ITGB3BP: variants seen among roughly 807,000 people sequenced by gnomAD.
ITGB3BP encodes integrin subunit beta 3 binding protein, also known as centromere protein R.
Under a neutral mutation model 29.1 loss-of-function variants are expected in ITGB3BP, and 27 were observed. The observed-to-expected ratio is 0.93, with a 90% confidence interval of 0.68 to 1.28. The LOEUF (loss-of-function observed/expected upper bound fraction) is 1.28. Among genes scored for constraint, ITGB3BP ranks in the 50% most tolerant of loss-of-function variants. ITGB3BP has a pLI of 0.00. For missense variants in ITGB3BP, 192 were observed against 200.2 expected (o/e 0.96, Z 0.25); for synonymous variants, 61 against 61.4 (o/e 0.99, Z 0.03).
chr1:63,485,333 C>T (rs192746120), intron 3 of ITGB3BP, among the ~76,000 whole-genome samples: 3 of 152,106 alleles, frequency 2.0e-5, no homozygotes, highest in African/African-American at 7.2e-5. Context: ...CCTGAAAATA[C>T]GAGGACCTTA....
intron 1 of ITGB3BP, among the ~76,000 whole-genome samples, chr1:63,514,818 C>T (rs1164931079): frequency 6.6e-6 from 1 of 151,814 alleles, no homozygotes; most frequent in Non-Finnish European, 1.5e-5. Flanking sequence ...TGGTGGTGCA[C>T]ACCTGTAGTC....
intron 4 of ITGB3BP, among the ~76,000 whole-genome samples, chr1:63,472,456 TC>T (rs1340324605): frequency 1.0e-4 from 11 of 110,090 alleles, no homozygotes; most frequent in Admixed American, 1.9e-4. Context: ...CTCTCCCCTC[TC>T]CCCTCTCCCC....
At chr1:63,474,931 CA>C (rs1330341184) in intron 4 of ITGB3BP, among the ~76,000 whole-genome samples, 5 of 147,420 alleles carry the variant, frequency 3.4e-5, no homozygotes, top group African/African-American at 1.2e-4. Flanking sequence ...CAAAACAAAA[CA>C]AAAACAAAAA....
At chr1:63,517,637 T>C (rs1229051206) in intron 1 of ITGB3BP, among the ~76,000 whole-genome samples, 1 of 152,310 alleles carries the variant, frequency 6.6e-6, no homozygotes, top group African/African-American at 2.4e-5. Context: ...CTTGCTAAAT[T>C]GTTCTGAAAA....
At chr1:63,494,131 C>G (rs1645729219) in intron 2 of ITGB3BP, among the ~76,000 whole-genome samples, 1 of 152,104 alleles carries the variant, frequency 6.6e-6, no homozygotes, top group South Asian at 2.1e-4. Flanking sequence ...GTACTAGATA[C>G]CAACCAACAA....
Position 63,522,738 on chromosome 1 carries a change from A to C in ITGB3BP, c.5+391T>G, listed in dbSNP as rs141509782. ...GGTATCTAGACCCACTCAGTCCATG[A>C]GTTCTCCCACGGGTTTACACGAACG... On this transcript the variant is annotated intron_variant, in intron 1 of 8. Coordinates refer to ENST00000271002, the MANE Select transcript of ITGB3BP (RefSeq NM_014288.5). Among the ~76,000 whole-genome samples the C allele has an allele frequency of 4.6e-5, 7 of 152,286 alleles. No individual in the cohort carries two copies. In the East Asian group the frequency reaches 1.4e-3, roughly 29 times the overall value.
intron 2 of ITGB3BP, among the ~76,000 whole-genome samples, chr1:63,505,118 T>C (rs1646043039): frequency 6.6e-6 from 1 of 152,110 alleles, no homozygotes; most frequent in Non-Finnish European, 1.5e-5. Context: ...CTGGTAGAAT[T>C]CGGCTGTGAA....
At chr1:63,455,241 T>TATTCATA in intron 4 of ITGB3BP, among the ~76,000 whole-genome samples, 1 of 152,192 alleles carries the variant, frequency 6.6e-6, no homozygotes, top group African/African-American at 2.4e-5. Context: ...TACCTTGATC[T>TATTCATA]GAGTCTATGA....
chr1:63,479,172 T>C (rs1027818740), intron 3 of ITGB3BP, among the ~76,000 whole-genome samples: 1 of 152,174 alleles, frequency 6.6e-6, no homozygotes, highest in African/African-American at 2.4e-5. Flanking sequence ...ATCAATGATA[T>C]CATATAAAGG....
Position 63,453,957 on chromosome 1 carries a change from GTTTA to G in ITGB3BP, c.441_444del (p.Gln149AsnfsTer27), listed in dbSNP as rs772182070. The G allele has an allele frequency of 1.9e-6, 3 of 1,577,658 alleles. No homozygotes were observed. The South Asian group carries it at 3.4e-5, about 18-fold the overall frequency. ...CCTGTACTCTTTTCAAACAGTTTTT[GTTTA>G]TTCACTTTTGTCACTAAAAGAAGTA... On this transcript the variant is annotated frameshift_variant, in exon 7 of 9. Transcript: ENST00000271002. LOFTEE classifies it high-confidence loss of function.
intron 4 of ITGB3BP, among the ~76,000 whole-genome samples, chr1:63,470,486 G>T (rs1645177454): frequency 6.6e-6 from 1 of 152,100 alleles, no homozygotes; most frequent in Non-Finnish European, 1.5e-5. Flanking sequence ...GATTAGTTTT[G>T]GTTATTTTTA....
At chr1:63,523,411 C>T (rs1646510183), upstream of ITGB3BP, 2 of 527,936 alleles carry the variant, frequency 3.8e-6, no homozygotes, top group African/African-American at 1.9e-5. Context: ...ACCACCCCCG[C>T]GATAGAGGAG....
intron 2 of ITGB3BP, among the ~76,000 whole-genome samples, chr1:63,493,088 A>ACACGCGCGCGCGCG (rs372348238): frequency 1.6e-4 from 24 of 148,722 alleles, no homozygotes; most frequent in Admixed American, 3.3e-4. Flanking sequence ...ACACACACAC[A>ACACGCGCGCGCGCG]CGCGCGCGCG....
At chr1:63,524,012 G>T (rs1343049028), upstream of ITGB3BP, among the ~76,000 whole-genome samples, 2 of 152,076 alleles carry the variant, frequency 1.3e-5, no homozygotes, top group African/African-American at 4.8e-5. Context: ...GGAGTTTTAA[G>T]TAAGGGAGGT....
intron 2 of ITGB3BP, among the ~76,000 whole-genome samples, chr1:63,505,063 T>C (rs1646041439): frequency 6.6e-6 from 1 of 152,194 alleles, no homozygotes; most frequent in Admixed American, 6.5e-5. Flanking sequence ...TTTCTATTGA[T>C]TGGAATAGTT....
At chr1:63,506,962 G>T (rs1282249707) in intron 2 of ITGB3BP, among the ~76,000 whole-genome samples, 2 of 152,190 alleles carry the variant, frequency 1.3e-5, no homozygotes, top group Admixed American at 1.3e-4. Context: ...ATAATTGGGA[G>T]CCAGGTTGCT....
In ITGB3BP at chr1:63,510,226, AAAGTT is replaced by A. The variant is rs150039727; in HGVS notation, c.6-1661_6-1657del. 8.9e-3 allele frequency: 4,298 copies of A among 484,906 alleles called. 160 individuals carry two copies. The highest frequency in any genetic ancestry group is 0.076 in the African/African-American group (3,843 of 50,818). 30.0% of individuals were successfully genotyped at this position (484,906 alleles called of 1,614,324 possible). The stretch of plus-strand genomic sequence containing the variant: ...AAAAGAAAATAGAAATTAAAAAACT[AAAGTT>A]AAACAGTACAGCATTTCTTATCCTT... On this transcript the variant is annotated intron_variant, in intron 1 of 8. Transcript: ENST00000271002.
intron 2 of ITGB3BP, among the ~76,000 whole-genome samples, chr1:63,503,381 G>GT (rs2100747602): frequency 6.6e-6 from 1 of 151,812 alleles, no homozygotes; most frequent in East Asian, 1.9e-4. Flanking sequence ...TTGTAAATTT[G>GT]TTTGAGTTCA....
chr1:63,490,685 C>T (rs1345035468), intron 2 of ITGB3BP, among the ~76,000 whole-genome samples: 2 of 152,160 alleles, frequency 1.3e-5, no homozygotes, highest in African/African-American at 2.4e-5. Flanking sequence ...CTTCAATAAT[C>T]ACCAAAATAA....
Sources: gnomAD v4.1 joint callset for allele counts (sites outside exome capture counted in the v4.1 genomes callset) on GRCh38, gnomAD v4.1.1 for gene constraint, MANE v1.5 for transcripts, NCBI Gene and HGNC (gene_info 2026-07-23, HGNC 2026-07-21) for gene names.